The following ANKH variants were observed in gnomAD, a reference collection of about 807,000 sequenced individuals.
ANKH encodes mineralization regulator ANKH.
In ANKH, 15 loss-of-function variants were observed where a neutral mutation model predicts 49.0. That is an observed-to-expected ratio of 0.31 (90% confidence interval 0.20 to 0.47). The LOEUF (loss-of-function observed/expected upper bound fraction) is 0.47. Among genes scored for constraint, ANKH ranks in the 20% least tolerant of loss-of-function variants. ANKH has a pLI of 1.00. For missense variants in ANKH, 429 were observed against 652.0 expected, an observed-to-expected ratio of 0.66 and a Z score of 3.72; for synonymous variants, 273 against 260.0, an observed-to-expected ratio of 1.05 and a Z score of -0.48.
intron 7 of ANKH, among the ~76,000 whole-genome samples, chr5:14,744,798 C>T (rs1220647333): frequency 6.6e-6 from 1 of 152,242 alleles, no homozygotes; most frequent in Non-Finnish European, 1.5e-5. Flanking sequence ...AACCCACAAA[C>T]GGTCTCAGGG....
intron 1 of ANKH, among the ~76,000 whole-genome samples, chr5:14,791,129 C>A (rs1740151494): frequency 6.6e-6 from 1 of 152,188 alleles, no homozygotes; most frequent in Admixed American, 6.5e-5. Context: ...GGCCTCTAAA[C>A]CCAGCCACGT....
At chr5:14,771,040 G>A (rs990781275) in intron 1 of ANKH, among the ~76,000 whole-genome samples, 1 of 152,180 alleles carries the variant, frequency 6.6e-6, no homozygotes, top group African/African-American at 2.4e-5. Context: ...GATAGCTGTT[G>A]ATAATTTTCC....
chr5:14,866,594 G>T (rs1027262427), intron 1 of ANKH, among the ~76,000 whole-genome samples: 3 of 152,112 alleles, frequency 2.0e-5, no homozygotes, highest in African/African-American at 7.2e-5. Flanking sequence ...TACTTTAAAA[G>T]AAATATATTT....
intron 1 of ANKH, among the ~76,000 whole-genome samples, chr5:14,773,000 A>G (rs987651709): frequency 2.0e-5 from 3 of 152,238 alleles, no homozygotes; most frequent in African/African-American, 7.2e-5. Flanking sequence ...TTCATGCTCC[A>G]GAGTTCTCCC....
At chr5:14,793,031 T>TAAAA (rs1561057830) in intron 1 of ANKH, among the ~76,000 whole-genome samples, 11 of 75,096 alleles carry the variant, frequency 1.5e-4, no homozygotes, top group Non-Finnish European at 2.7e-4. Context: ...AATATATATA[T>TAAAA]ATAAAAATAT....
rs930708249 is a variant in ANKH, at chr5:14,706,436, T to C, written c.*4761A>G. ...AATGATTTAGGAGGCCCACCTTTGATGCTCTTCCCAGCAGAAAGTTGCAAG... is the reference window on the plus strand; with the variant it reads ...AATGATTTAGGAGGCCCACCTTTGACGCTCTTCCCAGCAGAAAGTTGCAAG... On this transcript the variant is annotated 3_prime_UTR_variant, in exon 12 of 12. Coordinates refer to ENST00000284268, the MANE Select transcript of ANKH (RefSeq NM_054027.6). 3.3e-5 allele frequency: 5 copies of C among 152,220 alleles called. No individual in the cohort carries two copies. Among genetic ancestry groups the C allele is most frequent in the African/African-American group, 1.2e-4 (5 of 41,466 alleles). 9.4% of individuals were successfully genotyped at this position (152,220 alleles called of 1,614,324 possible).
chr5:14,812,117 T>TAAAAAAAAAAA (rs55728743), intron 1 of ANKH, among the ~76,000 whole-genome samples: 1 of 126,556 alleles, frequency 7.9e-6, no homozygotes, highest in Non-Finnish European at 1.6e-5. Context: ...GTATTTATCT[T>TAAAAAAAAAAA]AAAAAAAAAA....
chr5:14,781,695 A>C (rs76586462), intron 1 of ANKH, among the ~76,000 whole-genome samples: 1,696 of 152,284 alleles, frequency 0.011, 39 homozygotes, highest in African/African-American at 0.038. Context: ...CCTCAATTCA[A>C]GATGGTAGAA....
chr5:14,846,308 C>T (rs2126615571), intron 1 of ANKH, among the ~76,000 whole-genome samples: 1 of 152,296 alleles, frequency 6.6e-6, no homozygotes, highest in South Asian at 2.1e-4. Context: ...TACAAGGATT[C>T]CCACTGCTTT....
chr5:14,844,324 C>A (rs1741897192), intron 1 of ANKH, among the ~76,000 whole-genome samples: 1 of 152,234 alleles, frequency 6.6e-6, no homozygotes, highest in Non-Finnish European at 1.5e-5. Context: ...CCAAGTTTCT[C>A]TGACCCTACT....
rs59264153 is a variant in ANKH at position 14,845,843 on chromosome 5, CTTTTTTTT to C, written c.96+25501_96+25508del. Reference sequence around the variant, plus strand: ...TGGTCAGAGAAAATCCCTATGCACACTTTTTTTTTTTTTTTTTTTTTTTTTTGGTGATG... The same window carrying C: ...TGGTCAGAGAAAATCCCTATGCACACTTTTTTTTTTTTTTTTTTGGTGATG... On this transcript the variant is annotated intron_variant, in intron 1 of 11. Coordinates refer to ENST00000284268, the MANE Select transcript of ANKH (RefSeq NM_054027.6). Among the ~76,000 whole-genome samples the C allele has an allele frequency of 1.8e-3, 147 of 82,558 alleles. 1 individual carries two copies. In the South Asian group the frequency reaches 0.044, roughly 25 times the overall value. 54.2% of individuals were successfully genotyped at this position (82,558 alleles called of 152,430 possible). A position where few individuals can be genotyped will look rare whatever the true frequency, so the allele number is the denominator to read the frequency against.
intron 1 of ANKH, among the ~76,000 whole-genome samples, chr5:14,830,852 C>T (rs750003383): frequency 1.3e-4 from 20 of 152,236 alleles, no homozygotes; most frequent in East Asian, 5.8e-4. Flanking sequence ...AGGGCACCAA[C>T]GGTCCTGCTT....
In ANKH at chr5:14,769,734, A is replaced by C. The variant is rs542604366; in HGVS notation, c.97-543T>G. On this transcript the variant is annotated intron_variant, in intron 1 of 11. Coordinates refer to ENST00000284268, the MANE Select transcript of ANKH (RefSeq NM_054027.6). Reference sequence around the variant, plus strand: ...ATGCTATGAAAAAAGGTACTGAAAGAATTTATTATATTCTTCATTCATGCA... The same window carrying C: ...ATGCTATGAAAAAAGGTACTGAAAGCATTTATTATATTCTTCATTCATGCA... Among the ~76,000 whole-genome samples, 26 of 152,198 alleles carry C rather than the reference A, an allele frequency of 1.7e-4. No homozygotes were observed. The South Asian group carries it at 5.2e-3, about 30-fold the overall frequency.
At chr5:14,749,028 T>C (rs759745737) in intron 6 of ANKH, 144 bp downstream of exon 6, 2 of 1,209,210 alleles carry the variant, frequency 1.7e-6, no homozygotes, top group Non-Finnish European at 2.4e-6. Flanking sequence ...CCGAACGAGA[T>C]CTTTATGGCT....
rs770175906 is a variant in ANKH, at chr5:14,707,752, A to G, written c.*3445T>C. ...AGCTTTATTTGGCCCCATCTGATAC[A>G]TCCTAAGCCAATATTAAATGTTTCA... On this transcript the variant is annotated 3_prime_UTR_variant, in exon 12 of 12. Coordinates refer to ENST00000284268, the MANE Select transcript of ANKH (RefSeq NM_054027.6). 1 of 152,176 alleles carries G rather than the reference A, an allele frequency of 6.6e-6. No individual in the cohort carries two copies. Among genetic ancestry groups the G allele is most frequent in the South Asian group, 2.1e-4 (1 of 4,830 alleles). 9.4% of individuals were successfully genotyped at this position (152,176 alleles called of 1,614,324 possible).
chr5:14,810,333 A>T (rs964107972), intron 1 of ANKH, among the ~76,000 whole-genome samples: 3 of 151,878 alleles, frequency 2.0e-5, no homozygotes, highest in African/African-American at 4.8e-5. Context: ...ATTTTTCTGT[A>T]TTTTTAGTAG....
At chr5:14,855,314 C>T (rs1031759149) in intron 1 of ANKH, among the ~76,000 whole-genome samples, 5 of 152,212 alleles carry the variant, frequency 3.3e-5, no homozygotes, top group African/African-American at 7.2e-5. Flanking sequence ...ATTTGCCCTC[C>T]TATTAATAGA....
At chr5:14,843,748 C>G (rs530135894) in intron 1 of ANKH, among the ~76,000 whole-genome samples, 2 of 151,994 alleles carry the variant, frequency 1.3e-5, no homozygotes, top group African/African-American at 4.8e-5. Context: ...AGTGTGTGCT[C>G]GCTCTTGAGT....
intron 1 of ANKH, among the ~76,000 whole-genome samples, chr5:14,860,105 G>A (rs1441981018): frequency 6.6e-6 from 1 of 152,208 alleles, no homozygotes; most frequent in African/African-American, 2.4e-5. Context: ...TCTGCGTGGG[G>A]GTACAAATGA....
Sources: allele counts gnomAD v4.1 joint callset (sites outside exome capture counted in the v4.1 genomes callset), GRCh38; gene constraint gnomAD v4.1.1; transcripts MANE v1.5; gene names NCBI Gene and HGNC (gene_info 2026-07-23, HGNC 2026-07-21).